The following RFX4 variants were observed in gnomAD, a reference collection of about 807,000 sequenced individuals.
RFX4 encodes the protein transcription factor RFX4.
A neutral mutation model predicts 95.0 loss-of-function variants in RFX4; 10 were observed. The ratio of observed to expected loss-of-function variants is 0.11; its 90% CI spans 0.06 to 0.18. The LOEUF (loss-of-function observed/expected upper bound fraction) is 0.18. Among genes scored for constraint, RFX4 ranks in the 10% least tolerant of loss-of-function variants. The pLI is 1.00. For synonymous variants in RFX4, 321 were observed against 340.7 expected, an observed-to-expected ratio of 0.94 and a Z score of 0.64; for missense variants, 640 against 922.0, an observed-to-expected ratio of 0.69 and a Z score of 3.96.
chr12:106,584,189 C>T (rs779367658), intron 1 of RFX4, among the ~76,000 whole-genome samples: 1 of 152,130 alleles, frequency 6.6e-6, no homozygotes, highest in Non-Finnish European at 1.5e-5. Flanking sequence ...CGAAAACACC[C>T]GGTATCTCGG....
chr12:106,684,522 G>T, intron 5 of RFX4: 1 of 299,738 alleles, frequency 3.3e-6, no homozygotes, highest in Non-Finnish European at 6.0e-6. Flanking sequence ...GCTTCACTGT[G>T]GTTGTTGATT....
intron 4 of RFX4, 82 bp from the exon 5 acceptor site, chr12:106,681,911 C>A (rs1220398520): frequency 6.9e-7 from 1 of 1,447,260 alleles, no homozygotes; most frequent in East Asian, 2.3e-5. Flanking sequence ...TTCCTCCCTT[C>A]TGTAGATGGC....
At chr12:106,601,117 C>T in intron 1 of RFX4, 1 of 1,418,560 alleles carries the variant, frequency 7.0e-7, no homozygotes, top group Middle Eastern at 2.6e-4. Context: ...CCCAGCAGCC[C>T]CTGGGGCAGG....
intron 1 of RFX4, among the ~76,000 whole-genome samples, chr12:106,587,579 G>A (rs1047734632): frequency 3.9e-5 from 6 of 152,314 alleles, no homozygotes; most frequent in African/African-American, 1.4e-4. Context: ...CCTTTTCTCA[G>A]CCCGCCTTGG....
In RFX4 at chr12:106,623,037, C is replaced by CTT. The variant is rs143790292; in HGVS notation, c.130+14172_130+14173dup. Among the ~76,000 whole-genome samples the CTT allele has an allele frequency of 5.0e-3, 600 of 120,330 alleles. 10 individuals are homozygous for CTT. The highest frequency in any genetic ancestry group is 0.018 in the African/African-American group (550 of 30,576). 78.9% of individuals were successfully genotyped at this position (120,330 alleles called of 152,430 possible). The stretch of plus-strand genomic sequence containing the variant: ...TATATGTCTGCCTTTCAGCATTAGT[C>CTT]TTTTTTTTTTTTTTTTTTTGAGATG... On this transcript the variant is annotated intron_variant, in intron 2 of 17. Transcript: ENST00000392842.
chr12:106,597,727 G>A (rs1007391463), intron 1 of RFX4, among the ~76,000 whole-genome samples: 1 of 152,088 alleles, frequency 6.6e-6, no homozygotes, highest in Admixed American at 6.5e-5. Flanking sequence ...AGGTGTGGTG[G>A]CTGAAACCTA....
At chr12:106,669,839 GGTGTGTGTGTGTGTGT>G (rs60975691) in intron 4 of RFX4, among the ~76,000 whole-genome samples, 2 of 143,158 alleles carry the variant, frequency 1.4e-5, no homozygotes, top group Non-Finnish European at 3.0e-5. Flanking sequence ...TTTTTCTAGG[GGTGTGTGTGTGTGTGT>G]GTGTGTGTGT....
At chr12:106,651,059 CA>C (rs1335687980) in intron 3 of RFX4, among the ~76,000 whole-genome samples, 1 of 152,118 alleles carries the variant, frequency 6.6e-6, no homozygotes. Flanking sequence ...ATTCTTAAGC[CA>C]AATCATATCC....
intron 8 of RFX4, among the ~76,000 whole-genome samples, chr12:106,708,689 A>C (rs1465755556): frequency 6.6e-6 from 1 of 152,170 alleles, no homozygotes; most frequent in East Asian, 1.9e-4. Flanking sequence ...CTTTGATAGC[A>C]AGGGCCAGAA....
chr12:106,725,751 T>C (rs1038178571), intron 13 of RFX4, among the ~76,000 whole-genome samples: 5 of 151,662 alleles, frequency 3.3e-5, no homozygotes, highest in Middle Eastern at 3.2e-3. Flanking sequence ...AAAAGAAGCA[T>C]AGAAAATGGA....
intron 8 of RFX4, among the ~76,000 whole-genome samples, chr12:106,699,441 TTTTC>T (rs1371986736): frequency 2.0e-5 from 3 of 152,178 alleles, no homozygotes. Context: ...ATTGTTTAAA[TTTTC>T]TTTGTCTTTA....
At chr12:106,621,650 C>A (rs535007200) in intron 2 of RFX4, among the ~76,000 whole-genome samples, 2 of 152,300 alleles carry the variant, frequency 1.3e-5, no homozygotes, top group South Asian at 4.2e-4. Flanking sequence ...AATTTGAATA[C>A]AAGTATGTTT....
chr12:106,754,779 G>A (rs1746610115), intron 17 of RFX4, among the ~76,000 whole-genome samples: 1 of 152,086 alleles, frequency 6.6e-6, no homozygotes, highest in African/African-American at 2.4e-5. Flanking sequence ...GAGTCCAAAG[G>A]GTCCTAGGCC....
At position 106,720,867 on chromosome 12, in the gene RFX4, C is replaced by T. The variant is rs1395623854; in HGVS notation, c.1342C>T (p.Pro448Ser). Residue 448 changes from proline to serine, a missense_variant, in exon 13 of 18, where the codon CCC becomes TCC. This residue lies in a region of RFX4 where 20 missense variants were observed against 52.3 expected (regional missense o/e 0.38). Coordinates refer to ENST00000392842, the MANE Select transcript of RFX4 (RefSeq NM_213594.3). The surrounding 1 kb of genome is among the most constrained non-coding windows in gnomAD (Gnocchi z 4.2). Reference protein sequence around the residue: ...VIRDMTLHSAPSFGSFHLIHL... With the variant: ...VIRDMTLHSASSFGSFHLIHL... The stretch of plus-strand genomic sequence containing the variant: ...CCGGGACATGACCTTGCACAGCGCC[C>T]CCAGCTTCGGTAAGGCCACCCCAGC... 3 of 1,612,490 alleles carry T rather than the reference C, an allele frequency of 1.9e-6. No individual in the cohort carries two copies. In the African/African-American group the frequency reaches 4.0e-5, roughly 22 times the overall value.
In RFX4 at chr12:106,621,030, G is replaced by A. The variant is rs147198915; in HGVS notation, c.130+12147G>A. On this transcript the variant is annotated intron_variant, in intron 2 of 17. Coordinates refer to ENST00000392842, the MANE Select transcript of RFX4 (RefSeq NM_213594.3). ...CTTCCCTTGTTCCCTAAAAATCACC[G>A]TTATTCTGTTCTTTTTCAAGGTGCA... 3.9e-3 allele frequency among the ~76,000 whole-genome samples: 600 copies of A among 152,084 alleles called. 4 individuals carry two copies. Among genetic ancestry groups the A allele is most frequent in the African/African-American group, 0.012 (483 of 41,476 alleles).
At chr12:106,715,602 TG>T in intron 11 of RFX4, 58 bp downstream of exon 11, 1 of 1,592,304 alleles carries the variant, frequency 6.3e-7, no homozygotes, top group Non-Finnish European at 8.6e-7. Flanking sequence ...AAAGAAAAAG[TG>T]TCTTAGTAAA....
At chr12:106,619,740 C>G (rs557525527) in intron 2 of RFX4, among the ~76,000 whole-genome samples, 4 of 152,290 alleles carry the variant, frequency 2.6e-5, no homozygotes, top group East Asian at 1.9e-4. Flanking sequence ...GATTATACTT[C>G]ATTTTTTTAT....
At chr12:106,695,178 A>G (rs1186659556) in intron 7 of RFX4, among the ~76,000 whole-genome samples, 1 of 152,206 alleles carries the variant, frequency 6.6e-6, no homozygotes, top group Non-Finnish European at 1.5e-5. Flanking sequence ...AAGAGTGCCC[A>G]TCTGTTGGGG....
intron 2 of RFX4, among the ~76,000 whole-genome samples, chr12:106,638,300 G>T (rs1021450612): frequency 1.1e-4 from 17 of 152,144 alleles, no homozygotes; most frequent in African/African-American, 4.1e-4. Flanking sequence ...GAGCCACTGT[G>T]CCTGGCCTTA....
Sources: gnomAD v4.1 joint callset for allele counts (sites outside exome capture counted in the v4.1 genomes callset) on GRCh38, gnomAD v4.1.1 for gene constraint, gnomAD v4.1.1 regional missense constraint, Gnocchi (gnomAD v3.1) non-coding constraint, MANE v1.5 for transcripts, NCBI Gene and HGNC (gene_info 2026-07-23, HGNC 2026-07-21) for gene names.